NDRG3: variants seen among roughly 807,000 people sequenced by gnomAD.
NDRG3 encodes the protein protein NDRG3.
A neutral mutation model predicts 57.2 loss-of-function variants in NDRG3; 23 were observed. The observed-to-expected ratio is 0.40, with a 90% confidence interval of 0.29 to 0.57. The LOEUF is 0.57. Ranked by LOEUF, NDRG3 falls within the 20% of genes least tolerant of loss-of-function variation. NDRG3 has a pLI of 0.42. For missense variants in NDRG3, 384 were observed against 457.3 expected (o/e 0.84, Z 1.46); for synonymous variants, 132 against 162.6 (o/e 0.81, Z 1.43).
intron 1 of NDRG3, among the ~76,000 whole-genome samples, chr20:36,739,752 T>C (rs904426932): frequency 1.3e-5 from 2 of 150,904 alleles, no homozygotes; most frequent in African/African-American, 4.9e-5. Context: ...CTACTAAAAA[T>C]ACAAAAAATT....
intron 5 of NDRG3, 108 bp downstream of exon 5, chr20:36,687,384 A>G (rs1469314898): frequency 7.3e-7 from 1 of 1,376,432 alleles, no homozygotes. Flanking sequence ...AGCATAACCT[A>G]TAGACGGTAA....
At chr20:36,688,581 G>T (rs1034537790) in intron 4 of NDRG3, 98 bp downstream of exon 4, 2 of 887,236 alleles carry the variant, frequency 2.3e-6, no homozygotes, top group African/African-American at 3.3e-5. Context: ...CACAGAGAGG[G>T]GGAAACCTCT....
At chr20:36,706,949 CT>C in intron 3 of NDRG3, 22 bp downstream of exon 3, 1 of 1,609,404 alleles carries the variant, frequency 6.2e-7, no homozygotes, top group Non-Finnish European at 8.5e-7. Flanking sequence ...ACAGAGCCTC[CT>C]TCTTGCTTGT....
chr20:36,717,088 T>C (rs533649877), intron 2 of NDRG3, among the ~76,000 whole-genome samples: 1 of 152,360 alleles, frequency 6.6e-6, no homozygotes, highest in South Asian at 2.1e-4. Context: ...CATATGCCCA[T>C]GCAATTTCTG....
intron 2 of NDRG3, among the ~76,000 whole-genome samples, chr20:36,714,982 CTGTGTGTGTG>C (rs374158525): frequency 2.0e-5 from 1 of 50,204 alleles, no homozygotes; most frequent in Non-Finnish European, 3.9e-5. Context: ...AATCCTATAT[CTGTGTGTGTG>C]TGTGTGTGTG....
chr20:36,724,725 C>T (rs939263679), intron 1 of NDRG3, among the ~76,000 whole-genome samples: 4 of 151,602 alleles, frequency 2.6e-5, no homozygotes, highest in African/African-American at 4.8e-5. Context: ...GTCAGGAGTT[C>T]GAGACCAGCC....
intron 8 of NDRG3, among the ~76,000 whole-genome samples, chr20:36,678,441 G>C (rs1274865914): frequency 6.6e-6 from 1 of 152,192 alleles, no homozygotes; most frequent in Non-Finnish European, 1.5e-5. Context: ...CCAGCACTTC[G>C]GGAGGCTGAG....
In NDRG3 at chr20:36,721,656, A is replaced by C. The variant is rs758969950; in HGVS notation, c.57+23T>G. 5 of 1,455,888 alleles carry C rather than the reference A, an allele frequency of 3.4e-6. No individual in the cohort carries two copies. In the African/African-American group the frequency reaches 7.0e-5, roughly 21 times the overall value. The allele number at this position is 1,455,888 out of a possible 1,614,324, so 90.2% of individuals were successfully genotyped here. ...AGAAGAAAAGGCTTGTCCATATTTTAGTGAAAACAGAAAAGTCTTTACCTT... is the reference window on the plus strand; with the variant it reads ...AGAAGAAAAGGCTTGTCCATATTTTCGTGAAAACAGAAAAGTCTTTACCTT... On this transcript the variant is annotated intron_variant, in intron 2 of 15. Transcript: ENST00000349004.
At chr20:36,705,463 A>G (rs1310244923) in intron 3 of NDRG3, among the ~76,000 whole-genome samples, 2 of 152,194 alleles carry the variant, frequency 1.3e-5, no homozygotes, top group Admixed American at 6.6e-5. Flanking sequence ...TTGCTTATAA[A>G]TAGTTCTTTC....
chr20:36,743,448 T>G (rs950332853), intron 1 of NDRG3, among the ~76,000 whole-genome samples: 15 of 147,184 alleles, frequency 1.0e-4, no homozygotes, highest in East Asian at 4.1e-4. Context: ...GAGCCGAGAT[T>G]GCGCCACTGC....
chr20:36,676,837 C>G (rs897336420), intron 8 of NDRG3, among the ~76,000 whole-genome samples: 9 of 152,248 alleles, frequency 5.9e-5, no homozygotes, highest in African/African-American at 2.2e-4. Flanking sequence ...CGCTGTGTGG[C>G]TGGGGCTGCA....
intron 1 of NDRG3, among the ~76,000 whole-genome samples, chr20:36,743,164 A>T (rs1261596939): frequency 6.6e-6 from 1 of 152,234 alleles, no homozygotes; most frequent in Non-Finnish European, 1.5e-5. Context: ...CACTGTAAAC[A>T]GGCATTTTTC....
intron 2 of NDRG3, among the ~76,000 whole-genome samples, chr20:36,719,848 G>A (rs1412334714): frequency 5.3e-5 from 8 of 151,926 alleles, no homozygotes; most frequent in Non-Finnish European, 8.8e-5. Flanking sequence ...TGGGCATGGT[G>A]GCTCATGCCT....
chr20:36,686,001 T>C (rs1166471549), intron 5 of NDRG3, among the ~76,000 whole-genome samples: 1 of 152,092 alleles, frequency 6.6e-6, no homozygotes, highest in Non-Finnish European at 1.5e-5. Flanking sequence ...CAAAGCACTA[T>C]CCTATCTCAA....
intron 8 of NDRG3, among the ~76,000 whole-genome samples, chr20:36,679,683 T>C (rs1281723617): frequency 6.6e-6 from 1 of 151,084 alleles, no homozygotes; most frequent in East Asian, 2.0e-4. Context: ...TTTGTATTTT[T>C]AGTAGAGACG....
chr20:36,720,737 G>A (rs954701047), intron 2 of NDRG3, among the ~76,000 whole-genome samples: 4 of 151,572 alleles, frequency 2.6e-5, no homozygotes, highest in Non-Finnish European at 4.4e-5. Flanking sequence ...CTTGGATTCT[G>A]AGTCAAACTC....
At chr20:36,712,758 G>A (rs1984001892) in intron 2 of NDRG3, among the ~76,000 whole-genome samples, 1 of 150,922 alleles carries the variant, frequency 6.6e-6, no homozygotes, top group African/African-American at 2.4e-5. Flanking sequence ...ACCATAACTG[G>A]CTCATTTTTG....
At chr20:36,697,536 A>G (rs1206595746) in intron 3 of NDRG3, among the ~76,000 whole-genome samples, 1 of 152,088 alleles carries the variant, frequency 6.6e-6, no homozygotes, top group Non-Finnish European at 1.5e-5. Flanking sequence ...GCGAAACCCC[A>G]TCTCTACTAA....
rs549868562 is a variant in NDRG3 at position 36,734,141 on chromosome 20, C to T, written c.-49+11904G>A. Among the ~76,000 whole-genome samples, 9 of 152,132 alleles carry T rather than the reference C, an allele frequency of 5.9e-5. No individual in the cohort carries two copies. The South Asian group carries it at 1.7e-3, about 28-fold the overall frequency. On this transcript the variant is annotated intron_variant, in intron 1 of 15. Transcript: ENST00000349004. ...TTGGGAGGCCAAGGCAGGCGGATCA[C>T]CTTTGCAGTGAGCTGAGATCGTGCC... is the stretch of plus-strand genomic sequence containing the variant.
Sources: gnomAD v4.1 joint callset for allele counts (sites outside exome capture counted in the v4.1 genomes callset) on GRCh38, gnomAD v4.1.1 for gene constraint, MANE v1.5 for transcripts, NCBI Gene and HGNC (gene_info 2026-07-23, HGNC 2026-07-21) for gene names.